Variants in CACNA2D1 observed in about 807,000 individuals in gnomAD.
CACNA2D1 encodes the protein voltage-dependent calcium channel subunit alpha-2/delta-1.
CACNA2D1 carries 53 observed loss-of-function variants against 171.5 expected under a neutral mutation model. The ratio of observed to expected loss-of-function variants is 0.31; its 90% CI spans 0.25 to 0.39. The LOEUF (loss-of-function observed/expected upper bound fraction) is 0.39, where lower values mean the gene tolerates loss of function less well. Among genes scored for constraint, CACNA2D1 ranks in the 10% least tolerant of loss-of-function variants. CACNA2D1 has a pLI of 1.00. For missense variants in CACNA2D1, 903 were observed against 1,299.8 expected, an observed-to-expected ratio of 0.69 and a Z score of 4.69; for synonymous variants, 442 against 443.1, an observed-to-expected ratio of 1.00 and a Z score of 0.03.
intron 3 of CACNA2D1, among the ~76,000 whole-genome samples, chr7:82,260,115 G>T (rs901884810): frequency 3.9e-5 from 6 of 152,070 alleles, no homozygotes. Flanking sequence ...CCAGCTTCTT[G>T]GGAGGCTGAG....
chr7:82,291,080 A>G (rs961261187), intron 3 of CACNA2D1, among the ~76,000 whole-genome samples: 9 of 140,536 alleles, frequency 6.4e-5, no homozygotes, highest in African/African-American at 2.3e-4. Flanking sequence ...GGCTTAATGG[A>G]TCCTCCCACC....
intron 12 of CACNA2D1, among the ~76,000 whole-genome samples, chr7:82,027,089 T>G (rs1034747088): frequency 2.0e-5 from 3 of 151,456 alleles, no homozygotes; most frequent in Non-Finnish European, 3.0e-5. Flanking sequence ...GAGGTGGAGA[T>G]GATTAATGGG....
At chr7:82,200,991 T>A (rs1799368392) in intron 3 of CACNA2D1, among the ~76,000 whole-genome samples, 1 of 152,144 alleles carries the variant, frequency 6.6e-6, no homozygotes, top group South Asian at 2.1e-4. Flanking sequence ...TAAAACAGAG[T>A]TTTAAAATAA....
At chr7:82,252,833 T>A (rs1805821175) in intron 3 of CACNA2D1, among the ~76,000 whole-genome samples, 1 of 151,468 alleles carries the variant, frequency 6.6e-6, no homozygotes, top group Non-Finnish European at 1.5e-5. Flanking sequence ...GAGGTTGCAG[T>A]GAGCCAAGAT....
chr7:82,389,947 T>C (rs1824905147), intron 1 of CACNA2D1, among the ~76,000 whole-genome samples: 1 of 152,226 alleles, frequency 6.6e-6, no homozygotes, highest in Admixed American at 6.5e-5. Context: ...GTGTTGTTAC[T>C]TGAGTTTTTA....
intron 26 of CACNA2D1, chr7:81,971,066 G>A: frequency 1.1e-5 from 3 of 263,338 alleles, no homozygotes; most frequent in Non-Finnish European, 2.2e-5. Flanking sequence ...GTTTGGTATA[G>A]AAAAAAAACG....
intron 1 of CACNA2D1, among the ~76,000 whole-genome samples, chr7:82,430,735 A>T (rs1829605082): frequency 6.6e-6 from 1 of 152,128 alleles, no homozygotes; most frequent in Non-Finnish European, 1.5e-5. Context: ...CTCTTGGCAG[A>T]TTTTTGCCAA....
In CACNA2D1 at chr7:82,294,344, TTTAACTTGATA is replaced by T. The variant is rs200888239; in HGVS notation, c.294+40780_294+40790del. Among the ~76,000 whole-genome samples, 4 of 152,228 alleles carry T rather than the reference TTTAACTTGATA, an allele frequency of 2.6e-5. No homozygotes were observed. The East Asian group carries it at 7.7e-4, about 29-fold the overall frequency. On this transcript the variant is annotated intron_variant, in intron 3 of 38. Transcript: ENST00000356860. ...TGTAACATAGATGCAGGATGGAAAT[TTTAACTTGATA>T]TTAGGCTCCTTTATCACAGGTCTTC... is the stretch of plus-strand genomic sequence containing the variant.
intron 6 of CACNA2D1, among the ~76,000 whole-genome samples, chr7:82,095,683 A>G (rs911133035): frequency 6.6e-6 from 1 of 152,216 alleles, no homozygotes; most frequent in Non-Finnish European, 1.5e-5. Context: ...AATGAATGAA[A>G]GAGTGTGTGA....
At chr7:82,302,609 C>T (rs1224403711) in intron 3 of CACNA2D1, among the ~76,000 whole-genome samples, 1 of 151,982 alleles carries the variant, frequency 6.6e-6, no homozygotes, top group Non-Finnish European at 1.5e-5. Context: ...GATAGGGTTC[C>T]TCCATGTTGG....
At chr7:82,186,228 AGAGAAGGAAG>A in intron 3 of CACNA2D1, among the ~76,000 whole-genome samples, 1 of 124,270 alleles carries the variant, frequency 8.0e-6, no homozygotes, top group African/African-American at 3.1e-5. Context: ...AAAGAGAGAG[AGAGAAGGAAG>A]GAAGGAAGGA....
At chr7:82,102,831 A>T (rs2129037911) in intron 6 of CACNA2D1, among the ~76,000 whole-genome samples, 2 of 152,310 alleles carry the variant, frequency 1.3e-5, no homozygotes, top group Non-Finnish European at 2.9e-5. Flanking sequence ...AAGGGTGCAT[A>T]ATCCTATGTG....
At chr7:82,112,043 CAA>C (rs1351891407) in intron 6 of CACNA2D1, among the ~76,000 whole-genome samples, 31 of 151,958 alleles carry the variant, frequency 2.0e-4, no homozygotes, top group Non-Finnish European at 3.5e-4. Context: ...ATTTCAGAAA[CAA>C]AATCATTATA....
chr7:81,978,530 A>G (rs1407950475), intron 24 of CACNA2D1, among the ~76,000 whole-genome samples: 5 of 151,876 alleles, frequency 3.3e-5, no homozygotes, highest in African/African-American at 1.2e-4. Flanking sequence ...GTCGAACAAT[A>G]AGAACACATG....
chr7:82,322,270 G>A (rs1165994671), intron 3 of CACNA2D1, among the ~76,000 whole-genome samples: 1 of 150,964 alleles, frequency 6.6e-6, no homozygotes, highest in African/African-American at 2.4e-5. Context: ...AACTGCAAGA[G>A]ATGAAAAGAC....
chr7:82,137,836 C>T (rs62465799), intron 4 of CACNA2D1, among the ~76,000 whole-genome samples: 27,453 of 151,402 alleles, frequency 0.18, 2,841 homozygotes, highest in East Asian at 0.34. Flanking sequence ...GCTGAGATCG[C>T]GCGACAGAGC....
intron 35 of CACNA2D1, among the ~76,000 whole-genome samples, 174 bp downstream of exon 35, chr7:81,962,266 A>AAT (rs1794226781): frequency 6.6e-6 from 1 of 152,010 alleles, no homozygotes; most frequent in South Asian, 2.1e-4. Flanking sequence ...TGACCTAGGT[A>AAT]ATTTCTAAAA....
At chr7:82,122,391 T>C (rs1328402116) in intron 5 of CACNA2D1, among the ~76,000 whole-genome samples, 6 of 152,198 alleles carry the variant, frequency 3.9e-5, no homozygotes, top group Admixed American at 3.9e-4. Context: ...GAGGACATCC[T>C]TGAAATAAAA....
chr7:82,420,228 T>C (rs960391375), intron 1 of CACNA2D1, among the ~76,000 whole-genome samples: 1 of 152,162 alleles, frequency 6.6e-6, no homozygotes, highest in Non-Finnish European at 1.5e-5. Flanking sequence ...AAATTATGAA[T>C]TGTCACCAAA....
Sources: gnomAD v4.1 joint callset for allele counts (sites outside exome capture counted in the v4.1 genomes callset) on GRCh38, gnomAD v4.1.1 for gene constraint, MANE v1.5 for transcripts, NCBI Gene and HGNC (gene_info 2026-07-23, HGNC 2026-07-21) for gene names.